Variants in GRM7 observed in about 807,000 individuals in gnomAD.
GRM7 encodes the protein metabotropic glutamate receptor 7.
A neutral mutation model predicts 84.5 loss-of-function variants in GRM7; 35 were observed. That is an observed-to-expected ratio of 0.41 (90% confidence interval 0.32 to 0.55). The LOEUF (loss-of-function observed/expected upper bound fraction) is 0.55. Ranked by LOEUF, GRM7 falls within the 20% of genes least tolerant of loss-of-function variation. GRM7 has a pLI of 0.19. For synonymous variants in GRM7, 487 were observed against 455.1 expected (o/e 1.07, Z -0.89); for missense variants, 1,003 against 1,194.6 (o/e 0.84, Z 2.36).
At chr3:7,276,075 A>T (rs139498284) in intron 2 of GRM7, among the ~76,000 whole-genome samples, 2 of 152,228 alleles carry the variant, frequency 1.3e-5, no homozygotes, top group East Asian at 3.9e-4. Flanking sequence ...TTCTTTATGG[A>T]TCTAAAAAGA....
intron 1 of GRM7, among the ~76,000 whole-genome samples, chr3:6,882,800 C>T (rs1283867139): frequency 6.6e-6 from 1 of 152,170 alleles, no homozygotes; most frequent in Non-Finnish European, 1.5e-5. Flanking sequence ...AGCTCAGCAG[C>T]ATTTCATTAT....
In GRM7 at chr3:7,486,789, G is replaced by A. The variant is rs557271123; in HGVS notation, c.1515+25067G>A. Among the ~76,000 whole-genome samples, 1 of 152,286 alleles carries A rather than the reference G, an allele frequency of 6.6e-6. No homozygotes were observed. The highest frequency in any genetic ancestry group is 1.9e-4 in the East Asian group (1 of 5,178). On this transcript the variant is annotated intron_variant, in intron 7 of 9. Transcript: ENST00000357716. The surrounding 1 kb of genome is among the most constrained non-coding windows in gnomAD (Gnocchi z 5.5). Reference sequence around the variant, plus strand: ...CAACACCAAAGAAACTAAGAAAATGGATGCTGGGAAGTGGAGTTGTTGCTA... The same window carrying A: ...CAACACCAAAGAAACTAAGAAAATGAATGCTGGGAAGTGGAGTTGTTGCTA...
intron 4 of GRM7, among the ~76,000 whole-genome samples, chr3:7,335,669 C>G (rs907848055): frequency 6.6e-6 from 1 of 151,626 alleles, no homozygotes; most frequent in African/African-American, 2.4e-5. Context: ...TGAAATTAAC[C>G]ACAAAAAGAA....
intron 2 of GRM7, among the ~76,000 whole-genome samples, chr3:7,217,747 C>T (rs1696662820): frequency 6.7e-6 from 1 of 149,466 alleles, no homozygotes; most frequent in African/African-American, 2.4e-5. Flanking sequence ...TATTTTAAAA[C>T]ATTTTAAAAT....
At chr3:7,108,694 C>G (rs1480897227) in intron 1 of GRM7, among the ~76,000 whole-genome samples, 1 of 152,088 alleles carries the variant, frequency 6.6e-6, no homozygotes, top group Non-Finnish European at 1.5e-5. Flanking sequence ...TGGTTGCTGA[C>G]AGCTACTTCG....
intron 4 of GRM7, among the ~76,000 whole-genome samples, chr3:7,413,451 G>A (rs1575300384): frequency 6.6e-6 from 1 of 152,176 alleles, no homozygotes; most frequent in African/African-American, 2.4e-5. Flanking sequence ...GATCCTGAAA[G>A]AATCTGACTC....
chr3:7,707,960 C>T, intron 9 of GRM7, among the ~76,000 whole-genome samples: 1 of 144,394 alleles, frequency 6.9e-6, no homozygotes, highest in Non-Finnish European at 1.5e-5. Context: ...TTTTTACTTC[C>T]CATGCCCTAT....
At chr3:7,063,877 G>C (rs1697523571) in intron 1 of GRM7, among the ~76,000 whole-genome samples, 1 of 151,570 alleles carries the variant, frequency 6.6e-6, no homozygotes, top group Non-Finnish European at 1.5e-5. Flanking sequence ...GTCCATAGTG[G>C]TTAAGGCAAC....
At chr3:7,638,821 T>C (rs1698226859) in intron 8 of GRM7, among the ~76,000 whole-genome samples, 1 of 152,172 alleles carries the variant, frequency 6.6e-6, no homozygotes. Flanking sequence ...ATTAGTTGTA[T>C]CTAAAGGCTC....
intron 7 of GRM7, among the ~76,000 whole-genome samples, chr3:7,574,717 G>T (rs1694875708): frequency 6.6e-6 from 1 of 152,208 alleles, no homozygotes. Context: ...CAGTATTTCA[G>T]ATAAGAACCT....
intron 9 of GRM7, among the ~76,000 whole-genome samples, chr3:7,686,084 T>C (rs1019361388): frequency 1.3e-5 from 2 of 152,084 alleles, no homozygotes; most frequent in Non-Finnish European, 2.9e-5. Context: ...AGCAGATAGA[T>C]AAATTATGTT....
At chr3:7,613,565 T>C (rs1001862096) in intron 8 of GRM7, among the ~76,000 whole-genome samples, 1 of 152,238 alleles carries the variant, frequency 6.6e-6, no homozygotes, top group South Asian at 2.1e-4. Flanking sequence ...TACAGAGTTG[T>C]TTTCCCCTAG....
intron 8 of GRM7, among the ~76,000 whole-genome samples, chr3:7,667,284 G>A (rs57902273): frequency 0.064 from 7,330 of 114,010 alleles, 578 homozygotes; most frequent in African/African-American, 0.19. Context: ...AAAAAAAAGA[G>A]AGAGAGAGAG....
At chr3:7,067,065 A>T (rs1211302469) in intron 1 of GRM7, among the ~76,000 whole-genome samples, 2 of 152,000 alleles carry the variant, frequency 1.3e-5, no homozygotes, top group African/African-American at 4.8e-5. Flanking sequence ...AGCCAACATA[A>T]TACTGAATGG....
chr3:7,691,019 G>A (rs1362429626), intron 9 of GRM7: 1 of 378,398 alleles, frequency 2.6e-6, no homozygotes, highest in Non-Finnish European at 5.0e-6. Context: ...ATCTACTAAA[G>A]ATGTATCTCA....
At chr3:7,316,899 G>A (rs1273555896) in intron 4 of GRM7, among the ~76,000 whole-genome samples, 1 of 152,062 alleles carries the variant, frequency 6.6e-6, no homozygotes, top group Non-Finnish European at 1.5e-5. Context: ...GGGACCAAAG[G>A]ACACTTGCTA....
At chr3:6,900,674 G>C (rs1198076949) in intron 1 of GRM7, among the ~76,000 whole-genome samples, 2 of 152,166 alleles carry the variant, frequency 1.3e-5, no homozygotes, top group Non-Finnish European at 2.9e-5. Flanking sequence ...GGCTGAAAGA[G>C]AGAAGAAGCT....
rs568638882 is a variant in GRM7, at chr3:7,165,161, C to T, written c.736+18493C>T. Among the ~76,000 whole-genome samples, 59 of 152,346 alleles carry T rather than the reference C, an allele frequency of 3.9e-4. 1 individual carries two copies. In the South Asian group the frequency reaches 0.012, roughly 32 times the overall value. On this transcript the variant is annotated intron_variant, in intron 2 of 9. Coordinates refer to ENST00000357716, the MANE Select transcript of GRM7 (RefSeq NM_000844.4). Reference sequence around the variant, plus strand: ...TTTTCCAAGTTTGTCTGTTTTCACTCTTCCTAACTTCCTCACCATCCGCAA... The same window carrying T: ...TTTTCCAAGTTTGTCTGTTTTCACTTTTCCTAACTTCCTCACCATCCGCAA...
In GRM7 at chr3:6,861,345, G is replaced by C. The variant is rs540505695; in HGVS notation, c.-44G>C. The stretch of plus-strand genomic sequence containing the variant: ...CCCGGACCTCGGCGAGCCCACCACC[G>C]TTCCCTCCAGCGCCGCCGCCGCCAC... On this transcript the variant is annotated 5_prime_UTR_variant, in exon 1 of 10. Coordinates refer to ENST00000357716, the MANE Select transcript of GRM7 (RefSeq NM_000844.4). This position sits in a 1 kb window ranked among gnomAD's most constrained non-coding sequence, Gnocchi z 6.4. 1 of 1,455,162 alleles carries C rather than the reference G, an allele frequency of 6.9e-7. No individual in the cohort carries two copies. Among genetic ancestry groups the C allele is most frequent in the African/African-American group, 1.5e-5 (1 of 68,178 alleles). The allele number at this position is 1,455,162 out of a possible 1,614,324, so 90.1% of individuals were successfully genotyped here. A position where few individuals can be genotyped will look rare whatever the true frequency, so the allele number is the denominator to read the frequency against.
Sources: allele counts gnomAD v4.1 joint callset (sites outside exome capture counted in the v4.1 genomes callset), GRCh38; gene constraint gnomAD v4.1.1; non-coding constraint Gnocchi (gnomAD v3.1); transcripts MANE v1.5; gene names NCBI Gene and HGNC (gene_info 2026-07-23, HGNC 2026-07-21).